Variants in SMARCA2 observed in about 807,000 individuals in gnomAD.
The protein encoded by SMARCA2 is SWI/SNF related BAF chromatin remodeling complex subunit ATPase 2.
In SMARCA2, 61 loss-of-function variants were observed where a neutral mutation model predicts 199.8. The ratio of observed to expected loss-of-function variants is 0.31; its 90% CI spans 0.25 to 0.38. The LOEUF (loss-of-function observed/expected upper bound fraction) is 0.38. Among genes scored for constraint, SMARCA2 ranks in the 10% least tolerant of loss-of-function variants. The pLI, the probability that SMARCA2 is intolerant of heterozygous loss-of-function variation, is 1.00. For missense variants in SMARCA2, 1,344 were observed against 2,012.2 expected (o/e 0.67, Z 6.35); for synonymous variants, 935 against 732.0 (o/e 1.28, Z -4.48).
rs577741885 is a variant in SMARCA2 at position 2,161,330 on chromosome 9, A to G, written c.3982-356A>G. On this transcript the variant is annotated intron_variant, in intron 27 of 33. Coordinates refer to ENST00000349721, the MANE Select transcript of SMARCA2 (RefSeq NM_003070.5). The surrounding 1 kb of genome is among the most constrained non-coding windows in gnomAD (Gnocchi z 4.7). ...ACCTTTTCCTTCCCTTACAGTAATG[A>G]GAACATTAGGGTCTTGTTCTTAAAC... Among the ~76,000 whole-genome samples the G allele has an allele frequency of 4.6e-5, 7 of 152,272 alleles. No homozygotes were observed. The South Asian group carries it at 1.0e-3, about 23-fold the overall frequency.
rs1586687836 is a variant in SMARCA2 at position 2,084,280 on chromosome 9, G to A, written c.2526+84G>A. 3 of 687,626 alleles carry A rather than the reference G, an allele frequency of 4.4e-6. No individual in the cohort carries two copies. The East Asian group carries it at 8.2e-5, about 19-fold the overall frequency. The allele number at this position is 687,626 out of a possible 1,614,324, so 42.6% of individuals were successfully genotyped here. A position where few individuals can be genotyped will look rare whatever the true frequency, so the allele number is the denominator to read the frequency against. ...TATTGCCCAAGTCAGTAGTGTAATT[G>A]GATCCTTAGATGGCTTGTCCTTTTC... On this transcript the variant is annotated intron_variant, in intron 17 of 33. Coordinates refer to ENST00000349721, the MANE Select transcript of SMARCA2 (RefSeq NM_003070.5).
chr9:2,182,523 T>C (rs1827119033), intron 31 of SMARCA2, among the ~76,000 whole-genome samples: 2 of 134,614 alleles, frequency 1.5e-5, no homozygotes, highest in South Asian at 5.1e-4. Flanking sequence ...TGAGGCAGAA[T>C]TTCACTGTCT....
intron 28 of SMARCA2, among the ~76,000 whole-genome samples, chr9:2,164,471 C>T (rs1380585077): frequency 6.6e-6 from 1 of 152,180 alleles, no homozygotes; most frequent in African/African-American, 2.4e-5. Context: ...AAATGGGATT[C>T]ATTACTGCGC....
intron 14 of SMARCA2, 118 bp from the exon 15 acceptor site, chr9:2,081,714 G>C: frequency 2.5e-6 from 2 of 803,744 alleles, no homozygotes; most frequent in South Asian, 3.6e-5. Flanking sequence ...TTTTCCTACT[G>C]TGGGAAACCC....
intron 8 of SMARCA2, among the ~76,000 whole-genome samples, chr9:2,059,902 T>C (rs1174612604): frequency 6.6e-6 from 1 of 152,134 alleles, no homozygotes; most frequent in East Asian, 1.9e-4. Flanking sequence ...TAAAAATAAT[T>C]TGGAGTGTCC....
intron 27 of SMARCA2, among the ~76,000 whole-genome samples, chr9:2,130,667 A>T (rs1823903849): frequency 6.6e-6 from 1 of 152,218 alleles, no homozygotes; most frequent in Non-Finnish European, 1.5e-5. Context: ...GATTACATAT[A>T]TATATATTTG....
Position 2,086,727 on chromosome 9 carries a change from C to G in SMARCA2, c.2527-102C>G. The G allele has an allele frequency of 7.7e-7, 1 of 1,305,828 alleles. No individual in the cohort carries two copies. The highest frequency in any genetic ancestry group is 1.3e-5 in the South Asian group (1 of 76,836). 80.9% of individuals were successfully genotyped at this position (1,305,828 alleles called of 1,614,324 possible). On this transcript the variant is annotated intron_variant, in intron 17 of 33. Transcript: ENST00000349721. The surrounding 1 kb of genome is among the most constrained non-coding windows in gnomAD (Gnocchi z 4.3). ...AAAGGTAATCACAGCATATCATATACCAAGGATGGGTTCTTTGGTTTTCCG... is the reference window on the plus strand; with the variant it reads ...AAAGGTAATCACAGCATATCATATAGCAAGGATGGGTTCTTTGGTTTTCCG...
chr9:2,137,386 C>A (rs1222680960), intron 27 of SMARCA2, among the ~76,000 whole-genome samples: 1 of 152,154 alleles, frequency 6.6e-6, no homozygotes, highest in Non-Finnish European at 1.5e-5. Flanking sequence ...GTCTATAAGG[C>A]CACAATCACC....
intron 27 of SMARCA2, among the ~76,000 whole-genome samples, chr9:2,148,307 C>T (rs1262781195): frequency 1.3e-5 from 2 of 151,480 alleles, no homozygotes; most frequent in Non-Finnish European, 3.0e-5. Flanking sequence ...AGCCAAATGG[C>T]AAGAGCAGAG....
chr9:2,152,197 G>A (rs1400355491), intron 27 of SMARCA2, among the ~76,000 whole-genome samples: 2 of 152,200 alleles, frequency 1.3e-5, no homozygotes, highest in Non-Finnish European at 2.9e-5. Context: ...GGTTTATGAT[G>A]ATCCTGGAAT....
intron 22 of SMARCA2, among the ~76,000 whole-genome samples, chr9:2,102,567 G>A (rs79742102): frequency 0.024 from 3,580 of 152,170 alleles, 132 homozygotes; most frequent in African/African-American, 0.081. Flanking sequence ...CCTAAAATTC[G>A]GTTTTAATTG....
intron 27 of SMARCA2, among the ~76,000 whole-genome samples, chr9:2,143,080 C>T (rs1307326418): frequency 5.3e-5 from 8 of 152,088 alleles, no homozygotes; most frequent in Non-Finnish European, 8.8e-5. Flanking sequence ...ATAAAAGTAC[C>T]TGTAATGTAT....
At chr9:2,179,962 G>A (rs745473225) in intron 29 of SMARCA2, among the ~76,000 whole-genome samples, 1 of 152,208 alleles carries the variant, frequency 6.6e-6, no homozygotes, top group Non-Finnish European at 1.5e-5. Flanking sequence ...ATAAATCTCA[G>A]AATGGTAGGA....
intron 22 of SMARCA2, among the ~76,000 whole-genome samples, chr9:2,102,209 C>T (rs955133903): frequency 3.3e-5 from 5 of 151,740 alleles, no homozygotes; most frequent in Admixed American, 2.0e-4. Flanking sequence ...ATGTAGTCAT[C>T]ATTTTTGGAT....
chr9:2,071,968 C>A (rs1051610123), intron 10 of SMARCA2: 4 of 152,084 alleles, frequency 2.6e-5, no homozygotes, highest in East Asian at 1.9e-4. Context: ...CTGGAGTAAG[C>A]CTTTTCTCTT....
At chr9:2,117,756 C>T (rs1033746411) in intron 25 of SMARCA2, among the ~76,000 whole-genome samples, 2 of 152,216 alleles carry the variant, frequency 1.3e-5, no homozygotes, top group South Asian at 4.1e-4. Context: ...GCACTCCCCT[C>T]CCAGTTGTCC....
chr9:2,034,405 G>C (rs1819225702), intron 3 of SMARCA2, among the ~76,000 whole-genome samples: 1 of 152,144 alleles, frequency 6.6e-6, no homozygotes, highest in Non-Finnish European at 1.5e-5. Context: ...TACGTAACAA[G>C]TCCTCTTTCT....
At chr9:2,067,067 T>C (rs1442400394) in intron 9 of SMARCA2, among the ~76,000 whole-genome samples, 1 of 152,220 alleles carries the variant, frequency 6.6e-6, no homozygotes, top group East Asian at 1.9e-4. Flanking sequence ...TCTCTTGTCA[T>C]AGAGTAGACT....
At chr9:2,112,552 A>G (rs564322153) in intron 24 of SMARCA2, among the ~76,000 whole-genome samples, 1 of 152,248 alleles carries the variant, frequency 6.6e-6, no homozygotes, top group South Asian at 2.1e-4. Context: ...AATTGCAGTA[A>G]CATGAAATAG....
Sources: gnomAD v4.1 joint callset for allele counts (sites outside exome capture counted in the v4.1 genomes callset) on GRCh38, gnomAD v4.1.1 for gene constraint, Gnocchi (gnomAD v3.1) non-coding constraint, MANE v1.5 for transcripts, NCBI Gene and HGNC (gene_info 2026-07-23, HGNC 2026-07-21) for gene names.